Variants in FHIP1A observed in about 807,000 individuals in gnomAD.
FHIP1A encodes the protein FHF complex subunit HOOK interacting protein 1A.
Under a neutral mutation model 88.6 loss-of-function variants are expected in FHIP1A, and 61 were observed. That is an observed-to-expected ratio of 0.69 (90% CI 0.56 to 0.85). The LOEUF is 0.85. Among genes scored for constraint, FHIP1A ranks in the 40% least tolerant of loss-of-function variants. FHIP1A has a pLI of 0.00. For missense variants in FHIP1A, 1,154 were observed against 1,273.5 expected (o/e 0.91, Z 1.43); for synonymous variants, 478 against 496.0 (o/e 0.96, Z 0.48).
At chr4:151,474,534 A>G (rs1014236343) in intron 2 of FHIP1A, among the ~76,000 whole-genome samples, 7 of 152,256 alleles carry the variant, frequency 4.6e-5, no homozygotes, top group African/African-American at 1.7e-4. Flanking sequence ...AAGAACATTA[A>G]GAATACCTGA....
chr4:151,623,102 C>T lies in FHIP1A; in HGVS notation c.979-6600C>T, dbSNP rs75228199. On this transcript the variant is annotated intron_variant, in intron 7 of 13. Transcript: ENST00000435205. ...AGCAGTAACCCTTCAACTTGGCCAA[C>T]GCTAGTTGCAGCATCGGCCCATTGG... 2.4e-3 allele frequency among the ~76,000 whole-genome samples: 372 copies of T among 152,308 alleles called. 5 individuals carry two copies. Among genetic ancestry groups the T allele is most frequent in the African/African-American group, 8.4e-3 (349 of 41,570 alleles).
intron 10 of FHIP1A, 54 bp from the exon 11 acceptor site, chr4:151,649,405 C>A: frequency 7.3e-7 from 1 of 1,362,400 alleles, no homozygotes; most frequent in Non-Finnish European, 1.0e-6. Context: ...ACCCCATCCA[C>A]TACCTTTGTC....
At chr4:151,496,619 G>A (rs2126655518) in intron 3 of FHIP1A, among the ~76,000 whole-genome samples, 1 of 151,506 alleles carries the variant, frequency 6.6e-6, no homozygotes, top group African/African-American at 2.4e-5. Flanking sequence ...CACAATCTCA[G>A]CTCACTGCAT....
At chr4:151,573,354 G>C (rs1733667543) in intron 4 of FHIP1A, among the ~76,000 whole-genome samples, 1 of 152,014 alleles carries the variant, frequency 6.6e-6, no homozygotes, top group Admixed American at 6.6e-5. Context: ...GTCTAGCTAT[G>C]ATCCGCAAAA....
intron 3 of FHIP1A, among the ~76,000 whole-genome samples, chr4:151,500,884 A>G (rs1730626840): frequency 6.6e-6 from 1 of 152,224 alleles, no homozygotes; most frequent in Non-Finnish European, 1.5e-5. Context: ...CCACGGACAC[A>G]CCAGCATATA....
chr4:151,456,720 T>G (rs1728980069), intron 2 of FHIP1A, among the ~76,000 whole-genome samples: 1 of 151,918 alleles, frequency 6.6e-6, no homozygotes, highest in African/African-American at 2.4e-5. Flanking sequence ...AAATAACTAT[T>G]GTTATGCCCT....
chr4:151,532,154 C>T (rs774020760), intron 3 of FHIP1A, among the ~76,000 whole-genome samples: 12 of 152,152 alleles, frequency 7.9e-5, no homozygotes, highest in Admixed American at 4.6e-4. Flanking sequence ...TTTGTCATTG[C>T]GAAACTGGGA....
chr4:151,412,641 T>G, intron 1 of FHIP1A, among the ~76,000 whole-genome samples: 1 of 96,650 alleles, frequency 1.0e-5, no homozygotes, highest in East Asian at 3.7e-4. Flanking sequence ...CCTCCCTCCC[T>G]CCCTGCCTCC....
intron 3 of FHIP1A, among the ~76,000 whole-genome samples, chr4:151,555,187 A>G (rs1732900087): frequency 1.3e-5 from 2 of 152,098 alleles, no homozygotes; most frequent in Admixed American, 1.3e-4. Flanking sequence ...TCTGTAAGGT[A>G]TTTGTGTCTC....
At chr4:151,647,770 C>A (rs1222903542) in intron 10 of FHIP1A, among the ~76,000 whole-genome samples, 2 of 152,142 alleles carry the variant, frequency 1.3e-5, no homozygotes, top group East Asian at 3.9e-4. Context: ...TGGCGTCTTT[C>A]TAAATTTACT....
chr4:151,605,452 C>A (rs573140279), intron 7 of FHIP1A, among the ~76,000 whole-genome samples: 1 of 152,290 alleles, frequency 6.6e-6, no homozygotes, highest in South Asian at 2.1e-4. Context: ...ACAAAGAAAG[C>A]CTGCACCTTT....
chr4:151,431,824 A>G (rs556477004), intron 1 of FHIP1A, among the ~76,000 whole-genome samples: 1 of 152,362 alleles, frequency 6.6e-6, no homozygotes, highest in South Asian at 2.1e-4. Flanking sequence ...AGGATTCAGG[A>G]TGGATCATTT....
intron 1 of FHIP1A, among the ~76,000 whole-genome samples, chr4:151,441,276 T>A (rs1032805304): frequency 1.1e-4 from 17 of 151,412 alleles, no homozygotes; most frequent in African/African-American, 3.9e-4. Flanking sequence ...TGGCCTGTGA[T>A]GAAGTTTTCA....
intron 3 of FHIP1A, among the ~76,000 whole-genome samples, chr4:151,558,438 G>A (rs965986123): frequency 6.6e-6 from 1 of 152,134 alleles, no homozygotes; most frequent in African/African-American, 2.4e-5. Flanking sequence ...CGGAGGCTGA[G>A]GCATGAGAAT....
intron 4 of FHIP1A, among the ~76,000 whole-genome samples, chr4:151,571,027 T>C (rs1733583002): frequency 6.6e-6 from 1 of 152,198 alleles, no homozygotes; most frequent in Admixed American, 6.5e-5. Flanking sequence ...ACAGAAATAG[T>C]AAGAAGCATT....
intron 1 of FHIP1A, among the ~76,000 whole-genome samples, chr4:151,437,978 A>G (rs1438176116): frequency 6.6e-6 from 1 of 152,162 alleles, no homozygotes; most frequent in African/African-American, 2.4e-5. Context: ...CTAATAGTAA[A>G]ATCTTAAATA....
intron 3 of FHIP1A, among the ~76,000 whole-genome samples, chr4:151,552,928 A>T (rs1176830087): frequency 6.6e-6 from 1 of 152,098 alleles, no homozygotes; most frequent in African/African-American, 2.4e-5. Flanking sequence ...TATGTTAAGG[A>T]GGTTTGGTAC....
At chr4:151,560,546 A>AT (rs1230387311) in intron 3 of FHIP1A, among the ~76,000 whole-genome samples, 2 of 152,058 alleles carry the variant, frequency 1.3e-5, no homozygotes, top group African/African-American at 4.8e-5. Context: ...TTGTCAGATC[A>AT]TTTTTTTCTG....
intron 7 of FHIP1A, among the ~76,000 whole-genome samples, chr4:151,589,348 T>C (rs1734339146): frequency 2.6e-5 from 4 of 152,222 alleles, no homozygotes; most frequent in Admixed American, 2.0e-4. Flanking sequence ...TAAAACATAA[T>C]TTTTTATTGT....
Sources: allele counts gnomAD v4.1 joint callset (sites outside exome capture counted in the v4.1 genomes callset), GRCh38; gene constraint gnomAD v4.1.1; transcripts MANE v1.5; gene names NCBI Gene and HGNC (gene_info 2026-07-23, HGNC 2026-07-21).